The following GPHN variants were observed in gnomAD, a reference collection of about 807,000 sequenced individuals.
The protein encoded by GPHN is gephyrin.
GPHN carries 17 observed loss-of-function variants against 95.5 expected under a neutral mutation model. The observed-to-expected ratio is 0.18, with a 90% CI of 0.12 to 0.27. The LOEUF (loss-of-function observed/expected upper bound fraction) is 0.27, where lower values mean the gene tolerates loss of function less well. Ranked by LOEUF, GPHN falls within the 10% of genes least tolerant of loss-of-function variation. The pLI is 1.00. For synonymous variants in GPHN, 320 were observed against 322.5 expected (o/e 0.99, Z 0.08); for missense variants, 660 against 978.1 (o/e 0.67, Z 4.34).
At chr14:66,842,974 G>T (rs2062158079) in intron 4 of GPHN, among the ~76,000 whole-genome samples, 2 of 152,022 alleles carry the variant, frequency 1.3e-5, no homozygotes, top group Admixed American at 1.3e-4. Flanking sequence ...TATCCTAGAT[G>T]GAAGACACCC....
At chr14:67,203,845 G>A in the GPHN span, among the ~76,000 whole-genome samples, 12 of 152,160 alleles carry the variant, frequency 7.9e-5, no homozygotes, top group African/African-American at 2.9e-4. Context: ...CCGAGTATCT[G>A]GGACTACAGG....
At chr14:66,672,337 T>G (rs7142841) in intron 1 of GPHN, among the ~76,000 whole-genome samples, 51,965 of 152,042 alleles carry the variant, frequency 0.34, 13,422 homozygotes, top group African/African-American at 0.7. Context: ...AACGTGGTCC[T>G]TTTGGTGAAT....
At chr14:67,152,472 C>T (rs922270583) in intron 18 of GPHN, among the ~76,000 whole-genome samples, 10 of 124,740 alleles carry the variant, frequency 8.0e-5, no homozygotes, top group East Asian at 2.5e-4. Flanking sequence ...AACTCAACAA[C>T]GAGCAAATAA....
At chr14:67,527,692 A>T in the GPHN span, among the ~76,000 whole-genome samples, 4 of 152,146 alleles carry the variant, frequency 2.6e-5, no homozygotes, top group Non-Finnish European at 5.9e-5. Context: ...CCCCAGCATG[A>T]CCCTGGTGAA....
intron 1 of GPHN, among the ~76,000 whole-genome samples, chr14:66,628,297 A>G (rs1211188172): frequency 6.6e-6 from 1 of 152,148 alleles, no homozygotes; most frequent in East Asian, 1.9e-4. Flanking sequence ...AAACATCATG[A>G]AATATGCTTA....
intron 1 of GPHN, among the ~76,000 whole-genome samples, chr14:66,605,921 T>A (rs1288424101): frequency 6.6e-6 from 1 of 152,156 alleles, no homozygotes; most frequent in Non-Finnish European, 1.5e-5. Flanking sequence ...ATGCATAGTT[T>A]GTGAATATTT....
chr14:66,977,845 C>T (rs564736158), intron 9 of GPHN, among the ~76,000 whole-genome samples: 1 of 152,100 alleles, frequency 6.6e-6, no homozygotes, highest in Non-Finnish European at 1.5e-5. Flanking sequence ...CACGGATGTC[C>T]TTTGGCCTAT....
the GPHN span, among the ~76,000 whole-genome samples, chr14:67,217,082 G>C: frequency 6.6e-6 from 1 of 151,928 alleles, no homozygotes; most frequent in South Asian, 2.1e-4. Context: ...ATAAATCTGG[G>C]TGCTCCAGTG....
chr14:67,579,405 C>T, the GPHN span: 7 of 1,000,042 alleles, frequency 7.0e-6, no homozygotes, highest in Non-Finnish European at 8.5e-6. Context: ...GCAGATTGTT[C>T]ACTGTTGCCC....
At chr14:67,559,770 A>C in the GPHN span, 2 of 908,056 alleles carry the variant, frequency 2.2e-6, no homozygotes, top group Non-Finnish European at 3.6e-6. Context: ...CCTGCCCCCT[A>C]CTGTCTAGGG....
chr14:66,921,473 T>G (rs1314675171), intron 6 of GPHN, among the ~76,000 whole-genome samples: 3 of 151,922 alleles, frequency 2.0e-5, no homozygotes, highest in East Asian at 3.9e-4. Context: ...ACTGATTTGT[T>G]TGAGTTCGTT....
chr14:66,792,658 A>G (rs1018534322), intron 3 of GPHN, among the ~76,000 whole-genome samples: 2 of 152,236 alleles, frequency 1.3e-5, no homozygotes, highest in African/African-American at 4.8e-5. Context: ...TCAAATGCAT[A>G]CACACAAAAA....
chr14:66,889,725 A>G (rs528604296), intron 5 of GPHN, among the ~76,000 whole-genome samples: 1 of 152,138 alleles, frequency 6.6e-6, no homozygotes, highest in East Asian at 1.9e-4. Context: ...AAGAATAACA[A>G]CCTAAACCCA....
In GPHN at chr14:67,098,908, A is replaced by G. The variant is rs149184800; in HGVS notation, c.1238-1948A>G. ...GCTGATAATTATTTATCTAGTAGAGAAACAATTTTAAATAAGTTTATTCAC... is the reference window on the plus strand; with the variant it reads ...GCTGATAATTATTTATCTAGTAGAGGAACAATTTTAAATAAGTTTATTCAC... On this transcript the variant is annotated intron_variant, in intron 12 of 22. Coordinates refer to ENST00000478722, the MANE Select transcript of GPHN (RefSeq NM_020806.5). Among the ~76,000 whole-genome samples the G allele has an allele frequency of 2.9e-3, 444 of 152,168 alleles. 3 individuals carry two copies. Among genetic ancestry groups the G allele is most frequent in the African/African-American group, 0.01 (427 of 41,506 alleles).
chr14:66,817,211 ATATG>A (rs2153487334), intron 3 of GPHN, among the ~76,000 whole-genome samples: 1 of 152,102 alleles, frequency 6.6e-6, no homozygotes, highest in East Asian at 1.9e-4. Context: ...AAAATAATAT[ATATG>A]TGTGTTTGTG....
the GPHN span, chr14:67,569,895 A>G: frequency 6.7e-7 from 1 of 1,490,392 alleles, no homozygotes; most frequent in Non-Finnish European, 9.3e-7. Context: ...CCCTTGAGTA[A>G]TCTCATTCCT....
At chr14:67,303,654 T>A in the GPHN span, 25 of 1,231,258 alleles carry the variant, frequency 2.0e-5, no homozygotes, top group African/African-American at 2.1e-4. Context: ...TGTTTACTTC[T>A]GTTACTGTTT....
the GPHN span, among the ~76,000 whole-genome samples, chr14:67,545,196 T>C: frequency 6.6e-6 from 1 of 152,178 alleles, no homozygotes; most frequent in African/African-American, 2.4e-5. Flanking sequence ...TCCCTTTAAG[T>C]TAGTGACTCG....
chr14:67,473,216 C>T, the GPHN span: 1 of 660,396 alleles, frequency 1.5e-6, no homozygotes, highest in Non-Finnish European at 2.5e-6. The surrounding 1 kb of genome is among the most constrained non-coding windows in gnomAD (Gnocchi z 6.5). Context: ...TGTCCCTCTG[C>T]TGCCTCCACA....
Sources: allele counts gnomAD v4.1 joint callset (sites outside exome capture counted in the v4.1 genomes callset), GRCh38; gene constraint gnomAD v4.1.1; non-coding constraint Gnocchi (gnomAD v3.1); transcripts MANE v1.5; gene names NCBI Gene and HGNC (gene_info 2026-07-23, HGNC 2026-07-21).